The following BAIAP2L1 variants were observed in gnomAD, a reference collection of about 807,000 sequenced individuals.
The protein encoded by BAIAP2L1 is BAR/IMD domain-containing adapter protein 2-like 1.
In BAIAP2L1, 35 loss-of-function variants were observed where a neutral mutation model predicts 66.3. That is an observed-to-expected ratio of 0.53 (90% CI 0.40 to 0.70). The LOEUF (loss-of-function observed/expected upper bound fraction) is 0.70. Among genes scored for constraint, BAIAP2L1 ranks in the 30% least tolerant of loss-of-function variants. The pLI is 0.00. For synonymous variants in BAIAP2L1, 269 were observed against 248.7 expected (o/e 1.08, Z -0.77); for missense variants, 622 against 656.9 (o/e 0.95, Z 0.58).
At chr7:98,374,501 G>A (rs573000120) in intron 1 of BAIAP2L1, among the ~76,000 whole-genome samples, 1 of 152,230 alleles carries the variant, frequency 6.6e-6, no homozygotes, top group East Asian at 1.9e-4. Flanking sequence ...TTTCCCTACT[G>A]TCCTTTGCCT....
chr7:98,387,911 A>C (rs1802935285), intron 1 of BAIAP2L1, among the ~76,000 whole-genome samples: 1 of 152,054 alleles, frequency 6.6e-6, no homozygotes, highest in Non-Finnish European at 1.5e-5. Flanking sequence ...ACAACCAAAA[A>C]AACCTTCAAG....
intron 12 of BAIAP2L1, among the ~76,000 whole-genome samples, chr7:98,302,065 C>T (rs1442143198): frequency 1.3e-5 from 2 of 152,210 alleles, no homozygotes; most frequent in African/African-American, 2.4e-5. Flanking sequence ...GACAGAATGT[C>T]ATGATCCAGC....
chr7:98,358,335 A>G (rs1381066469), intron 2 of BAIAP2L1, among the ~76,000 whole-genome samples: 1 of 151,964 alleles, frequency 6.6e-6, no homozygotes, highest in African/African-American at 2.4e-5. Flanking sequence ...TTATTGTTTT[A>G]AGGAAAGAAG....
At chr7:98,311,318 C>T (rs949400917) in intron 8 of BAIAP2L1, among the ~76,000 whole-genome samples, 5 of 151,684 alleles carry the variant, frequency 3.3e-5, no homozygotes, top group East Asian at 2.0e-4. Context: ...CCGAGGTGGG[C>T]GGATCACGAG....
chr7:98,315,008 T>C lies in BAIAP2L1; in HGVS notation c.639+452A>G, dbSNP rs1043850729. Among the ~76,000 whole-genome samples the C allele has an allele frequency of 2.6e-5, 4 of 152,252 alleles. No individual in the cohort carries two copies. The East Asian group carries it at 7.7e-4, about 29-fold the overall frequency. On this transcript the variant is annotated intron_variant, in intron 7 of 13. Coordinates refer to ENST00000005260, the MANE Select transcript of BAIAP2L1 (RefSeq NM_018842.5). ...TTTCAGCTGTATTTCTATAAGTTTA[T>C]ATGTTCAAGTTGGCCAAACACAGTT...
intron 1 of BAIAP2L1, among the ~76,000 whole-genome samples, chr7:98,392,248 G>A (rs1417368946): frequency 2.0e-5 from 3 of 151,844 alleles, no homozygotes; most frequent in East Asian, 3.9e-4. Context: ...GGGAGGCTGA[G>A]GCAGGAGAAT....
At chr7:98,356,915 G>C (rs1802133869) in intron 2 of BAIAP2L1, among the ~76,000 whole-genome samples, 1 of 133,578 alleles carries the variant, frequency 7.5e-6, no homozygotes, top group African/African-American at 2.8e-5. Flanking sequence ...AGAATTGCGT[G>C]AGCCCAGAAG....
At chr7:98,317,438 G>GT in intron 5 of BAIAP2L1, 82 bp from the exon 6 acceptor site, 1 of 1,554,618 alleles carries the variant, frequency 6.4e-7, no homozygotes, top group South Asian at 1.2e-5. Flanking sequence ...CACTTCCACT[G>GT]TGTGTGGCTC....
In BAIAP2L1 at chr7:98,376,327, A is replaced by T. The variant is rs548810262; in HGVS notation, c.52-13895T>A. Among the ~76,000 whole-genome samples the T allele has an allele frequency of 1.5e-3, 221 of 151,126 alleles. 1 individual carries two copies. The highest frequency in any genetic ancestry group is 2.8e-3 in the Non-Finnish European group (192 of 67,742). On this transcript the variant is annotated intron_variant, in intron 1 of 13. Transcript: ENST00000005260. ...AGAACAGCCTGGGCAACATAGTGAG[A>T]CCCCGTCTCTACCAAAAACAACAAA...
chr7:98,355,375 T>C, intron 2 of BAIAP2L1: 1 of 513,806 alleles, frequency 1.9e-6, no homozygotes, highest in Admixed American at 3.2e-5. Flanking sequence ...CAGCAGGTGC[T>C]GAAAGTCCAG....
intron 5 of BAIAP2L1, among the ~76,000 whole-genome samples, chr7:98,319,071 TGC>T (rs2116899781): frequency 6.6e-6 from 1 of 152,246 alleles, no homozygotes; most frequent in South Asian, 2.1e-4. Context: ...TGTGGCCTCC[TGC>T]CGGGAGGGTG....
intron 2 of BAIAP2L1, chr7:98,355,456 C>G (rs1472552855): frequency 3.4e-6 from 1 of 291,640 alleles, no homozygotes; most frequent in Non-Finnish European, 6.8e-6. Context: ...AGGGCTTTGC[C>G]TGGGCACGGT....
rs144661078 is a variant in BAIAP2L1 at position 98,362,408 on chromosome 7, C to G, written c.76G>C (p.Gly26Arg). 1.1e-5 allele frequency: 17 copies of G among 1,612,168 alleles called. No individual in the cohort carries two copies. In the African/African-American group the frequency reaches 1.7e-4, roughly 16 times the overall value. The change falls in exon 2 of 14, where the codon GGG (glycine) becomes CGG (arginine). Residue 26 changes from glycine (G) to arginine (R), a missense_variant. By Grantham distance (125) the Gly-to-Arg change is moderately radical (BLOSUM62 -2). Coordinates refer to ENST00000005260, the MANE Select transcript of BAIAP2L1 (RefSeq NM_018842.5). ...YRNVMEQFNP[G>R]LRNLINLGKN... ...CCCAGGTTTATTAAATTTCGCAGCC[C>G]AGGATTGAACTGTTCCATAACATTC...
chr7:98,336,658 T>TA (rs1300068398), intron 3 of BAIAP2L1, among the ~76,000 whole-genome samples: 1 of 152,302 alleles, frequency 6.6e-6, no homozygotes, highest in East Asian at 1.9e-4. Flanking sequence ...ATCATTCTCT[T>TA]ACATGCCCAG....
chr7:98,313,140 TGTCACCCCACCCCCAAC>T (rs1800934600), intron 7 of BAIAP2L1, among the ~76,000 whole-genome samples: 1 of 12,492 alleles, frequency 8.0e-5, no homozygotes, highest in South Asian at 2.4e-3. Flanking sequence ...CACCCCCAAC[TGTCACCCCACCCCCAAC>T]TGTCACCCTG....
At chr7:98,393,175 A>ATACATACACACATATGTG (rs1803109976) in intron 1 of BAIAP2L1, among the ~76,000 whole-genome samples, 1 of 138,098 alleles carries the variant, frequency 7.2e-6, no homozygotes, top group Non-Finnish European at 1.6e-5. Context: ...ATGTATATAT[A>ATACATACACACATATGTG]TACATATATG....
intron 1 of BAIAP2L1, among the ~76,000 whole-genome samples, chr7:98,368,898 T>G (rs1251911289): frequency 6.6e-6 from 1 of 151,996 alleles, no homozygotes; most frequent in Non-Finnish European, 1.5e-5. Flanking sequence ...GTTTCCAGGT[T>G]TTGACAATTC....
intron 2 of BAIAP2L1, among the ~76,000 whole-genome samples, chr7:98,357,039 ATATATATATATTTTT>A (rs1229628438): frequency 5.8e-4 from 10 of 17,368 alleles, no homozygotes; most frequent in East Asian, 2.6e-3. Flanking sequence ...ATATATATAT[ATATATATATATTTTT>A]TTTTTTTTTT....
At chr7:98,377,123 G>A (rs1381244506) in intron 1 of BAIAP2L1, among the ~76,000 whole-genome samples, 1 of 152,130 alleles carries the variant, frequency 6.6e-6, no homozygotes, top group Non-Finnish European at 1.5e-5. Flanking sequence ...AATCATGGAA[G>A]CCAATTTCTT....
Sources: gnomAD v4.1 joint callset for allele counts (sites outside exome capture counted in the v4.1 genomes callset) on GRCh38, gnomAD v4.1.1 for gene constraint, MANE v1.5 for transcripts, NCBI Gene and HGNC (gene_info 2026-07-23, HGNC 2026-07-21) for gene names.